Variants in NRXN3 observed in about 807,000 individuals in gnomAD.
The protein encoded by NRXN3 is neurexin 3.
A neutral mutation model predicts 137.6 loss-of-function variants in NRXN3; 32 were observed. The observed-to-expected ratio is 0.23, with a 90% CI of 0.18 to 0.31. NRXN3 has a LOEUF of 0.31. NRXN3 is among the 10% of genes least tolerant of loss of function. The pLI, the probability that NRXN3 is intolerant of heterozygous loss-of-function variation, is 1.00. For synonymous variants in NRXN3, 798 were observed against 784.5 expected (o/e 1.02, Z -0.29); for missense variants, 1,574 against 2,062.5 (o/e 0.76, Z 4.59).
At chr14:78,700,505 T>A (rs1257895781) in intron 6 of NRXN3, among the ~76,000 whole-genome samples, 1 of 152,194 alleles carries the variant, frequency 6.6e-6, no homozygotes, top group Non-Finnish European at 1.5e-5. Context: ...TATCCAGTTG[T>A]GTCTGAAAAG....
intron 16 of NRXN3, among the ~76,000 whole-genome samples, chr14:79,635,886 G>C (rs953299352): frequency 3.3e-5 from 5 of 152,060 alleles, no homozygotes; most frequent in East Asian, 1.9e-4. Flanking sequence ...AGACCAAAGG[G>C]GGGAAATGGC....
intron 15 of NRXN3, among the ~76,000 whole-genome samples, chr14:79,342,609 T>C (rs929908535): frequency 1.3e-5 from 2 of 152,142 alleles, no homozygotes; most frequent in Non-Finnish European, 2.9e-5. Flanking sequence ...TTGGAGAATT[T>C]CTATTTATTT....
In NRXN3 at chr14:78,410,564, G is replaced by C. The variant is rs1567513046; in HGVS notation, c.757+112704G>C. ...GACCAGAGGGACCTGGAACATCTTTGGTCCTACAGATGGTGTTGGTTGGGT... is the reference window on the plus strand; with the variant it reads ...GACCAGAGGGACCTGGAACATCTTTCGTCCTACAGATGGTGTTGGTTGGGT... On this transcript the variant is annotated intron_variant, in intron 4 of 20. Transcript: ENST00000335750. 2.0e-5 allele frequency among the ~76,000 whole-genome samples: 3 copies of C among 152,160 alleles called. No homozygotes were observed. The East Asian group carries it at 5.8e-4, about 29-fold the overall frequency.
chr14:78,637,434 A>G (rs2152556699), intron 4 of NRXN3, among the ~76,000 whole-genome samples: 1 of 152,200 alleles, frequency 6.6e-6, no homozygotes, highest in Non-Finnish European at 1.5e-5. Flanking sequence ...CCCTTACTAC[A>G]CTGGTAATTA....
chr14:79,560,706 T>A (rs1050276873), intron 16 of NRXN3, among the ~76,000 whole-genome samples: 7 of 151,436 alleles, frequency 4.6e-5, no homozygotes, highest in African/African-American at 1.7e-4. Context: ...GCCTGGCTAA[T>A]TTTTTTGTAT....
At chr14:78,824,965 AAT>A (rs1160526153) in intron 10 of NRXN3, among the ~76,000 whole-genome samples, 3 of 152,126 alleles carry the variant, frequency 2.0e-5, no homozygotes, top group Non-Finnish European at 2.9e-5. Flanking sequence ...AAAAATTAAA[AAT>A]ATAAAAGTAA....
chr14:79,224,378 GAT>G (rs1269883077), intron 15 of NRXN3, among the ~76,000 whole-genome samples: 1 of 152,086 alleles, frequency 6.6e-6, no homozygotes, highest in Non-Finnish European at 1.5e-5. Flanking sequence ...ATCACTTGAG[GAT>G]ATATAAAGTC....
At chr14:78,677,571 GA>G (rs2098022409) in intron 6 of NRXN3, among the ~76,000 whole-genome samples, 1 of 152,136 alleles carries the variant, frequency 6.6e-6, no homozygotes, top group South Asian at 2.1e-4. Context: ...TCTTGGTAAA[GA>G]TGCTGTGGAC....
chr14:78,571,319 A>G (rs939755935), intron 4 of NRXN3, among the ~76,000 whole-genome samples: 7 of 152,320 alleles, frequency 4.6e-5, no homozygotes, highest in Admixed American at 1.3e-4. Context: ...GGAAAGAGGA[A>G]GAAACACTCA....
chr14:78,718,035 T>C (rs533880230), intron 8 of NRXN3, among the ~76,000 whole-genome samples: 1 of 152,268 alleles, frequency 6.6e-6, no homozygotes, highest in South Asian at 2.1e-4. Context: ...GAAGAAAATG[T>C]ATTGGGTATT....
chr14:78,796,196 C>T (rs1011657319), intron 8 of NRXN3, among the ~76,000 whole-genome samples: 11 of 152,168 alleles, frequency 7.2e-5, no homozygotes, highest in African/African-American at 2.7e-4. Flanking sequence ...TAATGCGTGT[C>T]CAATTGTCTC....
chr14:78,303,441 A>G (rs2077062966), intron 4 of NRXN3, among the ~76,000 whole-genome samples: 1 of 152,168 alleles, frequency 6.6e-6, no homozygotes, highest in Non-Finnish European at 1.5e-5. Context: ...AAAGGACTCA[A>G]AATCTCTAAT....
At chr14:79,835,230 C>T (rs985677270) in intron 20 of NRXN3, among the ~76,000 whole-genome samples, 17 of 152,096 alleles carry the variant, frequency 1.1e-4, no homozygotes, top group African/African-American at 4.1e-4. Flanking sequence ...TATAATTTAG[C>T]TTGATTCAGC....
chr14:79,560,582 C>A (rs1206279130), intron 16 of NRXN3, among the ~76,000 whole-genome samples: 1 of 134,758 alleles, frequency 7.4e-6, no homozygotes, highest in Non-Finnish European at 1.5e-5. Flanking sequence ...ACAATCTCGG[C>A]TCACTGCAAC....
At chr14:78,965,480 G>A (rs1360050669) in intron 11 of NRXN3, among the ~76,000 whole-genome samples, 2 of 152,156 alleles carry the variant, frequency 1.3e-5, no homozygotes, top group African/African-American at 2.4e-5. Context: ...CCAGGTGGTT[G>A]AAAGGTCAAG....
chr14:79,572,802 C>T (rs2097620893), intron 16 of NRXN3: 1 of 152,112 alleles, frequency 6.6e-6, no homozygotes, highest in South Asian at 2.1e-4. Context: ...GCATAGAAGG[C>T]AGATGAATTG....
At chr14:79,396,876 A>C (rs1208332123) in intron 15 of NRXN3, among the ~76,000 whole-genome samples, 2 of 152,156 alleles carry the variant, frequency 1.3e-5, no homozygotes. Context: ...CTTTCATACG[A>C]CTATCCCTTG....
intron 15 of NRXN3, among the ~76,000 whole-genome samples, chr14:79,381,590 T>G (rs866181391): frequency 8.5e-5 from 13 of 152,194 alleles, no homozygotes; most frequent in South Asian, 2.1e-4. Context: ...TTTTTTCTTC[T>G]TTGTACCCAG....
chr14:79,131,044 A>G (rs1183230948), intron 15 of NRXN3, among the ~76,000 whole-genome samples: 1 of 151,792 alleles, frequency 6.6e-6, no homozygotes, highest in Non-Finnish European at 1.5e-5. Flanking sequence ...TCCTTTAAAA[A>G]CTTCTCTGTA....
Sources: allele counts gnomAD v4.1 joint callset (sites outside exome capture counted in the v4.1 genomes callset), GRCh38; gene constraint gnomAD v4.1.1; transcripts MANE v1.5; gene names NCBI Gene and HGNC (gene_info 2026-07-23, HGNC 2026-07-21).